The following ABLIM2 variants were observed in gnomAD, a reference collection of about 807,000 sequenced individuals.
The protein encoded by ABLIM2 is actin binding LIM protein family member 2.
In ABLIM2, 53 loss-of-function variants were observed where a neutral mutation model predicts 97.7. That is an observed-to-expected ratio of 0.54 (90% CI 0.44 to 0.68). The LOEUF (loss-of-function observed/expected upper bound fraction) is 0.68, where lower values mean the gene tolerates loss of function less well. ABLIM2 is among the 30% of genes least tolerant of loss of function. The probability of loss-of-function intolerance (pLI) is 0.00; values close to 1 mark genes in which losing one functional copy is unlikely to be tolerated. For synonymous variants in ABLIM2, 361 were observed against 345.8 expected (o/e 1.04, Z -0.49); for missense variants, 835 against 867.2 (o/e 0.96, Z 0.47).
At chr4:8,121,820 C>G (rs1373452886) in intron 1 of ABLIM2, among the ~76,000 whole-genome samples, 1 of 152,156 alleles carries the variant, frequency 6.6e-6, no homozygotes, top group Admixed American at 6.5e-5. Flanking sequence ...GATGAATAAC[C>G]CATGTCACAT....
rs1768085215 is a variant in ABLIM2 at position 8,015,241 on chromosome 4, C to T, written c.1423+4377G>A. On this transcript the variant is annotated intron_variant, in intron 14 of 20. Transcript: ENST00000447017. The surrounding 1 kb of genome is among the most constrained non-coding windows in gnomAD (Gnocchi z 4.6). Reference sequence around the variant, plus strand: ...CGGCTTGTCTTCCACCTTTCTAGGACAGCCTCTCTGCATTCACTGCACTGC... The same window carrying T: ...CGGCTTGTCTTCCACCTTTCTAGGATAGCCTCTCTGCATTCACTGCACTGC... 6.6e-6 allele frequency among the ~76,000 whole-genome samples: 1 copy of T among 152,120 alleles called. No individual in the cohort carries two copies. The highest frequency in any genetic ancestry group is 1.5e-5 in the Non-Finnish European group (1 of 68,026).
Position 8,097,221 on chromosome 4 carries a change from C to T in ABLIM2, c.216G>A (p.Thr72=), listed in dbSNP as rs753188753. Residue 72 remains threonine (T), a synonymous_variant, in exon 3 of 21, where the codon ACG becomes ACA. Coordinates refer to ENST00000447017, the MANE Select transcript of ABLIM2 (RefSeq NM_001130083.2). ...FFVRQGEYIC[T]LDYQRLYGTR... ...TGCCGTAGAGCCTCTGGTAGTCCAGCGTGCAGATGTACTCGCCCTGCCGCA... is the reference window on the plus strand; with the variant it reads ...TGCCGTAGAGCCTCTGGTAGTCCAGTGTGCAGATGTACTCGCCCTGCCGCA... The T allele has an allele frequency of 4.4e-6, 7 of 1,583,734 alleles. No individual in the cohort carries two copies. Among genetic ancestry groups the T allele is most frequent in the Non-Finnish European group, 5.1e-6 (6 of 1,166,000 alleles).
chr4:8,094,789 T>C (rs2152619103), intron 3 of ABLIM2, among the ~76,000 whole-genome samples: 1 of 152,330 alleles, frequency 6.6e-6, no homozygotes, highest in South Asian at 2.1e-4. Context: ...TTCTTCTGGC[T>C]TTGGGTCACA....
In ABLIM2 at chr4:8,077,631, C is replaced by T. The variant is rs745369746; in HGVS notation, c.672G>A (p.Leu224=). 1 of 1,609,458 alleles carries T rather than the reference C, an allele frequency of 6.2e-7. No individual in the cohort carries two copies. Among genetic ancestry groups the T allele is most frequent in the East Asian group, 2.2e-5 (1 of 44,756 alleles). Residue 224 remains leucine (L), a synonymous_variant, in exon 6 of 21, where the codon CTG becomes CTA. Transcript: ENST00000447017. The stretch of plus-strand genomic sequence containing the variant: ...GGGCCCGGCCCGCCGCGCTTACCTC[C>T]AGCACGCGCCCCGTGATGTATTTCT... ...SCEKYITGRV[L]EAGEKHYHPS...
intron 20 of ABLIM2, 141 bp from the exon 21 acceptor site, chr4:7,967,244 C>A (rs1040783856): frequency 2.8e-6 from 2 of 706,162 alleles, no homozygotes; most frequent in Non-Finnish European, 2.5e-6. Flanking sequence ...GGCCTCCTGG[C>A]GGTTCCTGAC....
At position 8,068,843 on chromosome 4, in the gene ABLIM2, C is replaced by T. The variant is rs568731695; in HGVS notation, c.676-7789G>A. 6.6e-6 allele frequency among the ~76,000 whole-genome samples: 1 copy of T among 152,368 alleles called. No homozygotes were observed. Among genetic ancestry groups the T allele is most frequent in the African/African-American group, 2.4e-5 (1 of 41,586 alleles). On this transcript the variant is annotated intron_variant, in intron 6 of 20. Transcript: ENST00000447017. This position sits in a 1 kb window ranked among gnomAD's most constrained non-coding sequence, Gnocchi z 4.5. ...CTTTCTGAACTTCCAGAACTGAGTC[C>T]AGGTCTTAAAAGACCTAATCACCAT...
intron 16 of ABLIM2, chr4:8,006,913 T>C: frequency 1.6e-6 from 1 of 635,458 alleles, no homozygotes; most frequent in Non-Finnish European, 2.0e-6. Context: ...ACATCAGCCT[T>C]GTGCCTGAAT....
At chr4:8,007,931 T>C in intron 16 of ABLIM2, 128 bp downstream of exon 16, 1 of 1,489,780 alleles carries the variant, frequency 6.7e-7, no homozygotes, top group Admixed American at 2.2e-5. Context: ...CTTAGATTTG[T>C]GGGCTTTGCT....
chr4:7,991,299 C>T (rs1393586257), intron 17 of ABLIM2, among the ~76,000 whole-genome samples: 1 of 152,230 alleles, frequency 6.6e-6, no homozygotes, highest in East Asian at 1.9e-4. Context: ...GCGTCAGTGA[C>T]GCAAGACTAC....
intron 6 of ABLIM2, among the ~76,000 whole-genome samples, chr4:8,063,435 G>T (rs926797002): frequency 2.0e-5 from 3 of 152,222 alleles, no homozygotes; most frequent in Non-Finnish European, 2.9e-5. Context: ...TCCACAGCTC[G>T]GGCCAAGAAG....
chr4:7,989,930 A>G (rs1345495235), intron 17 of ABLIM2, among the ~76,000 whole-genome samples: 1 of 152,168 alleles, frequency 6.6e-6, no homozygotes, highest in Non-Finnish European at 1.5e-5. Context: ...ATTCACTTCA[A>G]GGGTAGGTTA....
chr4:8,057,394 T>C (rs1437815639), intron 7 of ABLIM2, among the ~76,000 whole-genome samples: 2 of 152,196 alleles, frequency 1.3e-5, no homozygotes, highest in African/African-American at 4.8e-5. Flanking sequence ...CCTCCTCTTT[T>C]GATCTTTCTA....
rs1005130921 is a variant in ABLIM2, at chr4:8,148,418, G to C, written c.10+10262C>G. Among the ~76,000 whole-genome samples the C allele has an allele frequency of 6.6e-6, 1 of 152,094 alleles. No individual in the cohort carries two copies. Among genetic ancestry groups the C allele is most frequent in the South Asian group, 2.1e-4 (1 of 4,824 alleles). Reference sequence around the variant, plus strand: ...GAGGTGAGGGAGCCGCTCAGGACGCGGGGGGGCCATGGCGCACCACAGTTA... The same window carrying C: ...GAGGTGAGGGAGCCGCTCAGGACGCCGGGGGGCCATGGCGCACCACAGTTA... On this transcript the variant is annotated intron_variant, in intron 1 of 20. Transcript: ENST00000447017. This position sits in a 1 kb window ranked among gnomAD's most constrained non-coding sequence, Gnocchi z 6.7.
intron 1 of ABLIM2, among the ~76,000 whole-genome samples, chr4:8,108,343 A>G (rs1462523094): frequency 6.6e-6 from 1 of 152,308 alleles, no homozygotes; most frequent in African/African-American, 2.4e-5. Context: ...GCTCATGCCA[A>G]GTTCACCCCG....
At position 8,085,358 on chromosome 4, in the gene ABLIM2, C is replaced by A. The variant is rs1354043525; in HGVS notation, c.454+2811G>T. 6.6e-6 allele frequency among the ~76,000 whole-genome samples: 1 copy of A among 152,206 alleles called. No homozygotes were observed. Among genetic ancestry groups the A allele is most frequent in the African/African-American group, 2.4e-5 (1 of 41,446 alleles). On this transcript the variant is annotated intron_variant, in intron 4 of 20. Transcript: ENST00000447017. This position sits in a 1 kb window ranked among gnomAD's most constrained non-coding sequence, Gnocchi z 6.1. ...CACAACCATCTATTGCTCCTCACGG[C>A]CTCCAGATGTACCGAGAACACCACG... is the stretch of plus-strand genomic sequence containing the variant.
At position 8,072,739 on chromosome 4, in the gene ABLIM2, TGTGTATGTGGCG is replaced by T. The variant is rs1813131364; in HGVS notation, c.675+4877_675+4888del. On this transcript the variant is annotated intron_variant, in intron 6 of 20. Transcript: ENST00000447017. This position sits in a 1 kb window ranked among gnomAD's most constrained non-coding sequence, Gnocchi z 5.8. ...CGCCCAGGTGAGTGGTGGGAGGCAG[TGTGTATGTGGCG>T]GAGGGAGAGTGCCTGCATGTGGTGT... Among the ~76,000 whole-genome samples, 1 of 151,894 alleles carries T rather than the reference TGTGTATGTGGCG, an allele frequency of 6.6e-6. No individual in the cohort carries two copies. The highest frequency in any genetic ancestry group is 2.4e-5 in the African/African-American group (1 of 41,340).
rs1035146551 is a variant in ABLIM2, at chr4:7,986,733, C to A, written c.1681-1840G>T. Among the ~76,000 whole-genome samples, 1 of 152,080 alleles carries A rather than the reference C, an allele frequency of 6.6e-6. No individual in the cohort carries two copies. The highest frequency in any genetic ancestry group is 1.5e-5 in the Non-Finnish European group (1 of 68,024). On this transcript the variant is annotated intron_variant, in intron 17 of 20. Coordinates refer to ENST00000447017, the MANE Select transcript of ABLIM2 (RefSeq NM_001130083.2). The surrounding 1 kb of genome is among the most constrained non-coding windows in gnomAD (Gnocchi z 4.3). ...TGTCAGCCAAGCTGGAGTGCAATGG[C>A]GTGATCTCGGCTCAATGCAAACTCC...
At position 8,095,662 on chromosome 4, in the gene ABLIM2, T is replaced by C. The variant is rs1831192235; in HGVS notation, c.338+1437A>G. On this transcript the variant is annotated intron_variant, in intron 3 of 20. Coordinates refer to ENST00000447017, the MANE Select transcript of ABLIM2 (RefSeq NM_001130083.2). The surrounding 1 kb of genome is among the most constrained non-coding windows in gnomAD (Gnocchi z 4.7). ...GCCTCCCGAGGTGCTGGATTACGGG[T>C]GTGAGCCTCCGCGCCCAGCCAGCAT... Among the ~76,000 whole-genome samples the C allele has an allele frequency of 6.6e-6, 1 of 152,116 alleles. No individual in the cohort carries two copies. The highest frequency in any genetic ancestry group is 1.5e-5 in the Non-Finnish European group (1 of 68,024).
Position 8,005,908 on chromosome 4 carries a change from T to C in ABLIM2, c.1618+2151A>G, listed in dbSNP as rs138944532. On this transcript the variant is annotated intron_variant, in intron 16 of 20. Transcript: ENST00000447017. This position sits in a 1 kb window ranked among gnomAD's most constrained non-coding sequence, Gnocchi z 4.9. ...AGAATCTCCCCGGGGAATTCATGAGTGCAGCACGGGCCATTGGAGTCCTGC... is the reference window on the plus strand; with the variant it reads ...AGAATCTCCCCGGGGAATTCATGAGCGCAGCACGGGCCATTGGAGTCCTGC... 6.6e-6 allele frequency among the ~76,000 whole-genome samples: 1 copy of C among 152,110 alleles called. No homozygotes were observed. The highest frequency in any genetic ancestry group is 2.4e-5 in the African/African-American group (1 of 41,424).
Sources: allele counts gnomAD v4.1 joint callset (sites outside exome capture counted in the v4.1 genomes callset), GRCh38; gene constraint gnomAD v4.1.1; non-coding constraint Gnocchi (gnomAD v3.1); transcripts MANE v1.5; gene names NCBI Gene and HGNC (gene_info 2026-07-23, HGNC 2026-07-21).